The following HIVEP2 variants were observed in gnomAD, a reference collection of about 807,000 sequenced individuals.
HIVEP2 encodes the protein transcription factor HIVEP2.
A neutral mutation model predicts 180.7 loss-of-function variants in HIVEP2; 14 were observed. The observed-to-expected ratio is 0.08, with a 90% CI of 0.05 to 0.12. The LOEUF is 0.12. HIVEP2 is among the 10% of genes least tolerant of loss of function. The probability of loss-of-function intolerance (pLI) is 1.00; values close to 1 mark genes in which losing one functional copy is unlikely to be tolerated. For synonymous variants in HIVEP2, 1,184 were observed against 1,136.4 expected, an observed-to-expected ratio of 1.04 and a Z score of -0.84; for missense variants, 2,579 against 3,008.5, an observed-to-expected ratio of 0.86 and a Z score of 3.34.
intron 1 of HIVEP2, among the ~76,000 whole-genome samples, chr6:142,860,668 C>T (rs972929610): frequency 4.6e-5 from 7 of 152,146 alleles, no homozygotes; most frequent in Middle Eastern, 3.2e-3. Flanking sequence ...ATAGGGTTCA[C>T]GCTTCTGTGA....
intron 1 of HIVEP2, among the ~76,000 whole-genome samples, chr6:142,888,549 C>T (rs1562279767): frequency 6.6e-6 from 1 of 152,140 alleles, no homozygotes; most frequent in Non-Finnish European, 1.5e-5. Flanking sequence ...GGCTTATGCT[C>T]ATTGAAGTCA....
chr6:142,874,455 G>C (rs1776375261), intron 1 of HIVEP2, among the ~76,000 whole-genome samples: 1 of 152,022 alleles, frequency 6.6e-6, no homozygotes. Flanking sequence ...TTTGAAATCA[G>C]TGTTTTCGGT....
chr6:142,764,578 T>A (rs550946812), intron 7 of HIVEP2, among the ~76,000 whole-genome samples: 1 of 152,346 alleles, frequency 6.6e-6, no homozygotes, highest in African/African-American at 2.4e-5. Flanking sequence ...ACAACTGGCC[T>A]GGACCTATGT....
At chr6:142,910,526 C>A (rs1310839913) in intron 1 of HIVEP2, among the ~76,000 whole-genome samples, 1 of 152,192 alleles carries the variant, frequency 6.6e-6, no homozygotes, top group African/African-American at 2.4e-5. Context: ...TGTTTGAACC[C>A]GGCAGGCAGA....
chr6:142,914,819 C>A (rs1313313882), intron 1 of HIVEP2, among the ~76,000 whole-genome samples: 1 of 152,142 alleles, frequency 6.6e-6, no homozygotes, highest in Non-Finnish European at 1.5e-5. Context: ...CAGATTCCTA[C>A]TTTTTGAAGG....
chr6:142,788,382 A>G (rs1456219198), intron 2 of HIVEP2: 1 of 152,132 alleles, frequency 6.6e-6, no homozygotes, highest in Non-Finnish European at 1.5e-5. Flanking sequence ...CTGTATTTAC[A>G]CAATACAGAA....
intron 1 of HIVEP2, among the ~76,000 whole-genome samples, chr6:142,872,741 G>C (rs1397597659): frequency 2.6e-5 from 4 of 152,166 alleles, no homozygotes; most frequent in Non-Finnish European, 1.5e-5. Context: ...GAACTAACTA[G>C]CTACCTCTTT....
chr6:142,783,079 C>T (rs1775895201), intron 3 of HIVEP2, among the ~76,000 whole-genome samples: 1 of 152,072 alleles, frequency 6.6e-6, no homozygotes, highest in Non-Finnish European at 1.5e-5. Flanking sequence ...GGTGCAGTGG[C>T]TCACGCCTGT....
At chr6:142,928,773 T>G (rs1339433554) in intron 1 of HIVEP2, among the ~76,000 whole-genome samples, 2 of 152,224 alleles carry the variant, frequency 1.3e-5, no homozygotes, top group Non-Finnish European at 2.9e-5. Flanking sequence ...GCATAGCTAG[T>G]CTTTCAATCT....
intron 1 of HIVEP2, among the ~76,000 whole-genome samples, chr6:142,898,520 G>A (rs2128424208): frequency 6.6e-6 from 1 of 152,234 alleles, no homozygotes; most frequent in South Asian, 2.1e-4. Flanking sequence ...AAATTAGCCA[G>A]GTGTGGTGGT....
chr6:142,894,259 T>C (rs983071692), intron 1 of HIVEP2, among the ~76,000 whole-genome samples: 11 of 152,216 alleles, frequency 7.2e-5, no homozygotes, highest in Non-Finnish European at 1.5e-4. Flanking sequence ...AGGGACGATA[T>C]ATTATTAGCC....
intron 1 of HIVEP2, among the ~76,000 whole-genome samples, chr6:142,865,494 G>C (rs957862511): frequency 1.3e-5 from 2 of 150,726 alleles, no homozygotes; most frequent in African/African-American, 4.9e-5. Flanking sequence ...TCTTTTACTT[G>C]GTTCAAAATC....
intron 1 of HIVEP2, among the ~76,000 whole-genome samples, chr6:142,897,478 G>A (rs1777029492): frequency 1.3e-5 from 2 of 152,162 alleles, no homozygotes; most frequent in African/African-American, 2.4e-5. Flanking sequence ...ATGGTAGAAC[G>A]AAGAGATTAT....
Position 142,759,813 on chromosome 6 carries a change from C to T in HIVEP2, c.6475G>A (p.Gly2159Arg), listed in dbSNP as rs761993070. 20 of 1,612,656 alleles carry T rather than the reference C, an allele frequency of 1.2e-5. No homozygotes were observed. Among genetic ancestry groups the T allele is most frequent in the Non-Finnish European group, 1.3e-5 (15 of 1,179,422 alleles). The change falls in exon 9 of 10, where the codon GGA becomes AGA. Residue 2159 changes from glycine to arginine, a missense_variant. Physicochemically the swap from Gly to Arg is moderately radical, Grantham distance 125. Coordinates refer to ENST00000367603, the MANE Select transcript of HIVEP2 (RefSeq NM_006734.4). Reference sequence around the variant, plus strand: ...ATTGGCTCTGCTTGCAAATACTGTCCCATGGACAATGGTGGGTTATGGTAT... The same window carrying T: ...ATTGGCTCTGCTTGCAAATACTGTCTCATGGACAATGGTGGGTTATGGTAT... Reference protein sequence around the residue: ...ALYHNPPLSMGQYLQAEPIVL... With the variant: ...ALYHNPPLSMRQYLQAEPIVL...
At chr6:142,881,375 T>C (rs1289697697) in intron 1 of HIVEP2, among the ~76,000 whole-genome samples, 1 of 152,208 alleles carries the variant, frequency 6.6e-6, no homozygotes, top group Non-Finnish European at 1.5e-5. Context: ...AGAGAATTTT[T>C]TAAGACTAAT....
intron 1 of HIVEP2, among the ~76,000 whole-genome samples, chr6:142,888,465 C>T (rs757837305): frequency 6.6e-6 from 1 of 152,112 alleles, no homozygotes; most frequent in Non-Finnish European, 1.5e-5. Flanking sequence ...AAAATTACAT[C>T]CTTACATCTC....
At chr6:142,907,264 C>T (rs939704181) in intron 1 of HIVEP2, among the ~76,000 whole-genome samples, 5 of 152,188 alleles carry the variant, frequency 3.3e-5, no homozygotes, top group Admixed American at 2.6e-4. Context: ...ACTACCAAAT[C>T]ACATTGTTTG....
At chr6:142,828,958 T>C (rs1774996654) in intron 2 of HIVEP2, among the ~76,000 whole-genome samples, 1 of 152,152 alleles carries the variant, frequency 6.6e-6, no homozygotes, top group African/African-American at 2.4e-5. Context: ...ATCTACAGTA[T>C]CTCTCCCAAA....
At chr6:142,878,214 G>A (rs115058611) in intron 1 of HIVEP2, among the ~76,000 whole-genome samples, 4 of 152,098 alleles carry the variant, frequency 2.6e-5, no homozygotes, top group African/African-American at 9.7e-5. Context: ...TCAGCACAAT[G>A]AGAAAATGAT....
Sources: gnomAD v4.1 joint callset for allele counts (sites outside exome capture counted in the v4.1 genomes callset) on GRCh38, gnomAD v4.1.1 for gene constraint, MANE v1.5 for transcripts, NCBI Gene and HGNC (gene_info 2026-07-23, HGNC 2026-07-21) for gene names.